ATRNL1: variants seen among roughly 807,000 people sequenced by gnomAD.
ATRNL1 encodes the protein attractin like 1.
A neutral mutation model predicts 182.7 loss-of-function variants in ATRNL1; 95 were observed. That is an observed-to-expected ratio of 0.52 (90% CI 0.44 to 0.62). ATRNL1 has a LOEUF of 0.62. Ranked by LOEUF, ATRNL1 falls within the 20% of genes least tolerant of loss-of-function variation. ATRNL1 has a pLI of 0.00. For missense variants in ATRNL1, 1,471 were observed against 1,679.5 expected (o/e 0.88, Z 2.17); for synonymous variants, 576 against 568.3 (o/e 1.01, Z -0.19).
chr10:115,409,289 G>T (rs1479407159), intron 20 of ATRNL1, among the ~76,000 whole-genome samples: 1 of 151,916 alleles, frequency 6.6e-6, no homozygotes, highest in Non-Finnish European at 1.5e-5. Context: ...CACCTCCTTG[G>T]TTATATTTAT....
chr10:115,211,741 T>C (rs2144380059), intron 8 of ATRNL1, among the ~76,000 whole-genome samples: 1 of 151,762 alleles, frequency 6.6e-6, no homozygotes, highest in Non-Finnish European at 1.5e-5. Flanking sequence ...TAGTTATATC[T>C]CCTAATGCTA....
At chr10:115,750,534 C>G (rs1412876648) in intron 27 of ATRNL1, among the ~76,000 whole-genome samples, 1 of 151,750 alleles carries the variant, frequency 6.6e-6, no homozygotes, top group Non-Finnish European at 1.5e-5. Context: ...GTGAATTACT[C>G]TGTAACCTCA....
intron 27 of ATRNL1, among the ~76,000 whole-genome samples, chr10:115,831,729 T>G (rs1555093769): frequency 6.7e-6 from 1 of 149,392 alleles, no homozygotes; most frequent in East Asian, 2.1e-4. Flanking sequence ...TAAAGGCTGC[T>G]CTCACCACCT....
intron 5 of ATRNL1, among the ~76,000 whole-genome samples, chr10:115,133,314 A>G (rs1177180355): frequency 1.3e-5 from 2 of 152,304 alleles, no homozygotes; most frequent in South Asian, 2.1e-4. Flanking sequence ...TACCAGTACC[A>G]TGCTGTTTTG....
Position 115,555,613 on chromosome 10 carries a change from G to A in ATRNL1, c.3795+6077G>A, listed in dbSNP as rs530861879. The stretch of plus-strand genomic sequence containing the variant: ...TCAAGCACATTTTTAGACAAATACA[G>A]CAATGAACAAGCCAAATAAAATCCC... On this transcript the variant is annotated intron_variant, in intron 26 of 28. Transcript: ENST00000355044. Among the ~76,000 whole-genome samples, 4 of 151,896 alleles carry A rather than the reference G, an allele frequency of 2.6e-5. No individual in the cohort carries two copies. In the South Asian group the frequency reaches 8.3e-4, roughly 32 times the overall value.
At chr10:115,790,164 G>A (rs1949494113) in intron 27 of ATRNL1, among the ~76,000 whole-genome samples, 1 of 151,098 alleles carries the variant, frequency 6.6e-6, no homozygotes, top group African/African-American at 2.4e-5. Context: ...TGCATGGTCT[G>A]TCATTGTCTC....
At chr10:115,154,111 A>G (rs572626775) in intron 5 of ATRNL1, among the ~76,000 whole-genome samples, 1 of 151,120 alleles carries the variant, frequency 6.6e-6, no homozygotes, top group South Asian at 2.1e-4. Context: ...ACATTTGCTG[A>G]GGAGTGCTTT....
intron 1 of ATRNL1, among the ~76,000 whole-genome samples, chr10:115,105,649 C>T (rs1260201737): frequency 6.6e-6 from 1 of 152,182 alleles, no homozygotes; most frequent in African/African-American, 2.4e-5. Flanking sequence ...ACTTGGTGTC[C>T]CTTGTCCCAG....
chr10:115,515,278 GA>G (rs1850579855), intron 24 of ATRNL1, among the ~76,000 whole-genome samples: 1 of 149,196 alleles, frequency 6.7e-6, no homozygotes, highest in Non-Finnish European at 1.5e-5. Context: ...CATTTAAGGG[GA>G]TAGATAGTCT....
intron 26 of ATRNL1, among the ~76,000 whole-genome samples, chr10:115,647,071 G>A (rs560704982): frequency 2.5e-4 from 38 of 151,324 alleles, no homozygotes; most frequent in South Asian, 4.2e-4. Context: ...CTGTCCTTGC[G>A]ATAGTTTGCT....
At chr10:115,922,752 T>A (rs1446370025) in intron 28 of ATRNL1, among the ~76,000 whole-genome samples, 3 of 152,184 alleles carry the variant, frequency 2.0e-5, no homozygotes, top group African/African-American at 7.2e-5. Flanking sequence ...ATGTTTTAAA[T>A]TTTAAAAACT....
At chr10:115,640,939 A>G (rs1371106304) in intron 26 of ATRNL1, among the ~76,000 whole-genome samples, 1 of 151,962 alleles carries the variant, frequency 6.6e-6, no homozygotes, top group East Asian at 1.9e-4. Flanking sequence ...ATCTTGAGTT[A>G]ATTTTTGTAT....
chr10:115,094,281 C>T (rs1352183991), intron 1 of ATRNL1, among the ~76,000 whole-genome samples: 1 of 152,130 alleles, frequency 6.6e-6, no homozygotes, highest in African/African-American at 2.4e-5. Flanking sequence ...GGGAGCTAGG[C>T]ATTTCTCGAG....
chr10:115,236,693 T>C (rs921569414), intron 9 of ATRNL1, among the ~76,000 whole-genome samples: 2 of 152,176 alleles, frequency 1.3e-5, no homozygotes, highest in African/African-American at 2.4e-5. Flanking sequence ...TCCTCTATTA[T>C]GTGTCTTACG....
chr10:115,828,042 G>C (rs781840980), intron 27 of ATRNL1, among the ~76,000 whole-genome samples: 41 of 152,276 alleles, frequency 2.7e-4, no homozygotes, highest in African/African-American at 9.6e-4. Context: ...CTGAAGCCGG[G>C]CACGGGGGCT....
intron 28 of ATRNL1, among the ~76,000 whole-genome samples, chr10:115,911,681 A>G (rs1952683196): frequency 6.6e-6 from 1 of 152,158 alleles, no homozygotes; most frequent in African/African-American, 2.4e-5. Flanking sequence ...ACTTATCTAA[A>G]GTTACAGAGC....
At chr10:115,856,537 C>T (rs1951192233) in intron 28 of ATRNL1, among the ~76,000 whole-genome samples, 1 of 151,560 alleles carries the variant, frequency 6.6e-6, no homozygotes, top group South Asian at 2.1e-4. Flanking sequence ...CAGTCCCCAA[C>T]CTTTTGGCAC....
chr10:115,345,329 C>T (rs1855927664), intron 19 of ATRNL1, among the ~76,000 whole-genome samples: 1 of 152,200 alleles, frequency 6.6e-6, no homozygotes, highest in Non-Finnish European at 1.5e-5. Context: ...TATGTGCCTT[C>T]TGTAGGCGGG....
intron 19 of ATRNL1, among the ~76,000 whole-genome samples, chr10:115,357,654 ATATCTTT>A (rs1324148659): frequency 4.0e-5 from 6 of 151,600 alleles, no homozygotes; most frequent in Non-Finnish European, 8.9e-5. Context: ...ACTTTTATCT[ATATCTTT>A]TATCTTACCT....
Sources: gnomAD v4.1 joint callset for allele counts (sites outside exome capture counted in the v4.1 genomes callset) on GRCh38, gnomAD v4.1.1 for gene constraint, MANE v1.5 for transcripts, NCBI Gene and HGNC (gene_info 2026-07-23, HGNC 2026-07-21) for gene names.